DCPH1: variants seen among roughly 807,000 people sequenced by gnomAD.
DCPH1 encodes damage-control phosphatase 1.
chr6:151,459,649 G>C, the DCPH1 span, among the ~76,000 whole-genome samples: 11 of 152,134 alleles, frequency 7.2e-5, no homozygotes, highest in African/African-American at 2.7e-4. Flanking sequence ...TAATTACCCA[G>C]GTGTGGTGGC....
the DCPH1 span, chr6:151,469,368 T>G: frequency 2.8e-5 from 10 of 354,138 alleles, no homozygotes; most frequent in Non-Finnish European, 4.5e-5. Flanking sequence ...TTTTTCAGGT[T>G]AAATATATAA....
the DCPH1 span, chr6:151,452,480 G>T: frequency 9.5e-6 from 15 of 1,577,200 alleles, no homozygotes; most frequent in South Asian, 1.5e-4. Context: ...CTCCTTCGCG[G>T]CGGTACCGCC....
At chr6:151,464,657 A>T in the DCPH1 span, 1 of 1,450,462 alleles carries the variant, frequency 6.9e-7, no homozygotes, top group Non-Finnish European at 9.4e-7. Flanking sequence ...TGTTTTATTT[A>T]AACAGAAAAT....
the DCPH1 span, chr6:151,458,285 G>GACAC: frequency 1.4e-5 from 21 of 1,543,892 alleles, no homozygotes; most frequent in Admixed American, 3.6e-5. Context: ...GAATTGCACA[G>GACAC]ACACACACAC....
the DCPH1 span, among the ~76,000 whole-genome samples, chr6:151,463,654 C>CAA: frequency 6.6e-6 from 1 of 152,062 alleles, no homozygotes; most frequent in Non-Finnish European, 1.5e-5. Context: ...AAAAACAAAA[C>CAA]AAAACAAATC....
the DCPH1 span, chr6:151,454,564 A>C: frequency 6.6e-7 from 1 of 1,511,720 alleles, no homozygotes; most frequent in Non-Finnish European, 9.2e-7. Context: ...TGCATATCTT[A>C]CAATTAAAGA....
the DCPH1 span, among the ~76,000 whole-genome samples, chr6:151,467,223 C>A: frequency 6.6e-6 from 1 of 151,618 alleles, no homozygotes; most frequent in Non-Finnish European, 1.5e-5. Flanking sequence ...CGCACTCCAG[C>A]CTCGGTGACA....
At chr6:151,468,422 C>A in the DCPH1 span, 4 of 1,606,982 alleles carry the variant, frequency 2.5e-6, no homozygotes, top group Non-Finnish European at 3.4e-6. Context: ...GTACTAAATT[C>A]ATTGGAAGAC....
chr6:151,460,753 C>A, the DCPH1 span, among the ~76,000 whole-genome samples: 4 of 151,438 alleles, frequency 2.6e-5, no homozygotes, highest in Non-Finnish European at 5.9e-5. Flanking sequence ...CACTGCACTC[C>A]AGCCTGGGTG....
the DCPH1 span, among the ~76,000 whole-genome samples, chr6:151,463,946 C>A: frequency 1.3e-5 from 2 of 152,146 alleles, no homozygotes; most frequent in African/African-American, 4.8e-5. Context: ...AATTATCATT[C>A]TTCTAAAACT....
the DCPH1 span, among the ~76,000 whole-genome samples, chr6:151,461,681 A>C: frequency 0.54 from 82,490 of 152,008 alleles, 25,078 homozygotes; most frequent in African/African-American, 0.82. Flanking sequence ...CAAAAAAAAC[A>C]CCACATAGTT....
At chr6:151,468,649 G>A in the DCPH1 span, 10 of 1,614,042 alleles carry the variant, frequency 6.2e-6, no homozygotes, top group Non-Finnish European at 8.5e-6. Context: ...TCCATGGTTT[G>A]TTTCTGATAC....
the DCPH1 span, chr6:151,454,592 T>G: frequency 1.3e-6 from 2 of 1,579,836 alleles, no homozygotes; most frequent in Non-Finnish European, 1.7e-6. Flanking sequence ...CCACAGATCT[T>G]AACTAAGGTT....
the DCPH1 span, chr6:151,452,560 G>A: frequency 2.5e-6 from 4 of 1,611,468 alleles, no homozygotes; most frequent in Non-Finnish European, 3.4e-6. Context: ...CTGTCGTCCC[G>A]GCGTCTCTCT....
chr6:151,457,174 C>A, the DCPH1 span, among the ~76,000 whole-genome samples: 42 of 152,334 alleles, frequency 2.8e-4, no homozygotes, highest in African/African-American at 8.2e-4. Context: ...TATCTTCCCC[C>A]ACCTCAGCGG....
the DCPH1 span, among the ~76,000 whole-genome samples, chr6:151,456,497 C>G: frequency 1.3e-5 from 2 of 152,300 alleles, no homozygotes; most frequent in Non-Finnish European, 2.9e-5. Context: ...TAGACACTGA[C>G]AATTATATTG....
the DCPH1 span, among the ~76,000 whole-genome samples, chr6:151,453,032 T>G: frequency 6.6e-6 from 1 of 152,244 alleles, no homozygotes; most frequent in African/African-American, 2.4e-5. Context: ...TGGGTAAAGT[T>G]GTGGGTGACC....
the DCPH1 span, among the ~76,000 whole-genome samples, chr6:151,455,768 G>A: frequency 1.3e-5 from 2 of 152,070 alleles, no homozygotes; most frequent in African/African-American, 4.8e-5. Context: ...TACGGGTGTC[G>A]GGCTGGGGGA....
the DCPH1 span, chr6:151,469,141 A>G: frequency 6.5e-7 from 1 of 1,547,172 alleles, no homozygotes; most frequent in Non-Finnish European, 8.7e-7. Context: ...TTGCATAGAA[A>G]GATCTGGTGA....
Sources: gnomAD v4.1 joint callset for allele counts (sites outside exome capture counted in the v4.1 genomes callset) on GRCh38, gnomAD v4.1.1 for gene constraint, MANE v1.5 for transcripts, NCBI Gene and HGNC (gene_info 2026-07-23, HGNC 2026-07-21) for gene names.